Variants in SCGB2B2 observed in about 807,000 individuals in gnomAD.
The protein encoded by SCGB2B2 is secretoglobin family 2B member 2, also known as secretoglobin-like protein.
A neutral mutation model predicts 7.6 loss-of-function variants in SCGB2B2; 11 were observed. That is an observed-to-expected ratio of 1.45 (90% CI 0.91 to 2.40). The LOEUF is 2.40. SCGB2B2 is among the 30% of genes most tolerant of loss of function. The pLI is 0.00. For missense variants in SCGB2B2, 104 were observed against 115.4 expected, an observed-to-expected ratio of 0.90 and a Z score of 0.45; for synonymous variants, 50 against 48.6, an observed-to-expected ratio of 1.03 and a Z score of -0.12.
intron 1 of SCGB2B2, among the ~76,000 whole-genome samples, chr19:34,634,191 C>T (rs955258638): frequency 2.0e-5 from 3 of 152,202 alleles, no homozygotes; most frequent in African/African-American, 7.2e-5. Flanking sequence ...AGATGGGGCA[C>T]ATACCCTCTA....
intron 1 of SCGB2B2, among the ~76,000 whole-genome samples, chr19:34,641,692 T>A (rs1360820635): frequency 6.6e-6 from 1 of 152,208 alleles, no homozygotes; most frequent in Non-Finnish European, 1.5e-5. Flanking sequence ...CTGTTAGGTT[T>A]GACCAACTCT....
At chr19:34,616,263 C>A (rs1223518678) in intron 1 of SCGB2B2, among the ~76,000 whole-genome samples, 3 of 149,320 alleles carry the variant, frequency 2.0e-5, no homozygotes, top group Non-Finnish European at 1.5e-5. Context: ...GGAATGGCCA[C>A]ACTGACTTAC....
intron 1 of SCGB2B2, among the ~76,000 whole-genome samples, chr19:34,624,132 A>G (rs948923264): frequency 1.3e-5 from 2 of 152,200 alleles, no homozygotes; most frequent in African/African-American, 2.4e-5. Flanking sequence ...TGTGACTCCA[A>G]ATTCTTTCTA....
intron 1 of SCGB2B2, among the ~76,000 whole-genome samples, chr19:34,645,090 G>C (rs16969592): frequency 1.3e-3 from 203 of 152,318 alleles, no homozygotes; most frequent in African/African-American, 4.7e-3. Context: ...CACAGACACA[G>C]GGAGAAACAC....
At position 34,594,898 on chromosome 19, in the gene SCGB2B2, T is replaced by C. The variant is rs759554981; in HGVS notation, c.-335A>G. The C allele has an allele frequency of 1.1e-5, 4 of 371,502 alleles. No individual in the cohort carries two copies. The highest frequency in any genetic ancestry group is 2.1e-5 in the African/African-American group (1 of 48,776). 23.0% of individuals were successfully genotyped at this position (371,502 alleles called of 1,614,324 possible). A position where few individuals can be genotyped will look rare whatever the true frequency, so the allele number is the denominator to read the frequency against. On this transcript the variant is annotated 5_prime_UTR_variant, in exon 2 of 4. It removes an upstream start codon present in the reference 5' UTR. Transcript: ENST00000601241. Reference sequence around the variant, plus strand: ...GTAAGCCTGCAAGTCTGAGTGTGCATGCACATGTGACCCTGTGTCTTGGCA... The same window carrying C: ...GTAAGCCTGCAAGTCTGAGTGTGCACGCACATGTGACCCTGTGTCTTGGCA...
chr19:34,602,946 G>A (rs984520393), intron 1 of SCGB2B2, among the ~76,000 whole-genome samples: 2 of 152,134 alleles, frequency 1.3e-5, no homozygotes, highest in South Asian at 4.1e-4. Flanking sequence ...TTATTGTTTG[G>A]AAGAATTTGT....
intron 1 of SCGB2B2, among the ~76,000 whole-genome samples, chr19:34,628,543 TACACCCTCCCAAG>T (rs2066441136): frequency 6.6e-6 from 1 of 151,920 alleles, no homozygotes; most frequent in South Asian, 2.1e-4. Flanking sequence ...CCTGGACACA[TACACCCTCCCAAG>T]ACTAAACCGG....
intron 1 of SCGB2B2, among the ~76,000 whole-genome samples, chr19:34,614,211 TTC>T (rs927937675): frequency 1.3e-5 from 2 of 152,196 alleles, no homozygotes; most frequent in African/African-American, 4.8e-5. Flanking sequence ...GCCTTTTCTC[TTC>T]TCTTTTCCTT....
Position 34,594,509 on chromosome 19 carries a change from G to A in SCGB2B2, c.55C>T (p.Gln19Ter), listed in dbSNP as rs562847253. ...ALLLALICSV[Q>*]LGDACLDIDK... is the part of the protein sequence containing the mutation. ...CTGCTCGCCTCTTTCTTACCCAGCT[G>A]GACGCTGCAGATCAGAGCCAGCAGA... The change falls in exon 2 of 4, where the codon CAG becomes TAG. Residue 19 changes from glutamine (Q) to a stop codon, truncating the protein, a stop_gained. Transcript: ENST00000601241. LOFTEE classifies it high-confidence loss of function. 6.2e-6 allele frequency: 10 copies of A among 1,613,748 alleles called. No individual in the cohort carries two copies. In the African/African-American group the frequency reaches 1.1e-4, roughly 17 times the overall value.
intron 1 of SCGB2B2, among the ~76,000 whole-genome samples, chr19:34,668,919 G>A (rs994629098): frequency 6.6e-6 from 1 of 152,176 alleles, no homozygotes. Context: ...AGATAAGAGA[G>A]TAAAAGCAGG....
In SCGB2B2 at chr19:34,677,128, T is replaced by C. The variant is rs180927061; in HGVS notation, c.-3530A>G. The C allele has an allele frequency of 0.019, 2,783 of 148,538 alleles. 39 individuals are homozygous for C. Among genetic ancestry groups the C allele is most frequent in the Non-Finnish European group, 0.028 (1,896 of 67,528 alleles). The allele number at this position is 148,538 out of a possible 1,614,324, so 9.2% of individuals were successfully genotyped here. A position where few individuals can be genotyped will look rare whatever the true frequency, so the allele number is the denominator to read the frequency against. On this transcript the variant is annotated 5_prime_UTR_variant, in exon 1 of 4. Transcript: ENST00000601241. ...TCGTGACAGTCGGGCCACAGGGCGT[T>C]TTGTGAGTTATCGTCTTGGGCAAAT...
rs535395781 is a variant in SCGB2B2 at position 34,623,877 on chromosome 19, A to G, written c.-2031-27283T>C. 7.4e-4 allele frequency among the ~76,000 whole-genome samples: 113 copies of G among 152,302 alleles called. 2 individuals carry two copies. In the South Asian group the frequency reaches 0.022, roughly 29 times the overall value. On this transcript the variant is annotated intron_variant, in intron 1 of 3. Coordinates refer to ENST00000601241, the MANE Select transcript of SCGB2B2 (RefSeq NM_001025591.4). ...AATATAAGGATTAAATGGCTGTCCT[A>G]CCTTCGATGAGGACAGTACTGAGCC...
chr19:34,663,524 C>A (rs2067522655), intron 1 of SCGB2B2, among the ~76,000 whole-genome samples: 1 of 152,192 alleles, frequency 6.6e-6, no homozygotes, highest in Non-Finnish European at 1.5e-5. Flanking sequence ...TGCAGATGTT[C>A]AGGTAGCAAA....
chr19:34,634,927 C>A, intron 1 of SCGB2B2: 1 of 269,310 alleles, frequency 3.7e-6, no homozygotes. Context: ...TCTGTGCACT[C>A]ACAGCCTTTC....
At chr19:34,668,329 GCAC>G (rs554787828) in intron 1 of SCGB2B2, among the ~76,000 whole-genome samples, 1,783 of 152,322 alleles carry the variant, frequency 0.012, 20 homozygotes, top group South Asian at 0.038. Context: ...GAGGGGCTTA[GCAC>G]CTGGGCCAGC....
intron 1 of SCGB2B2, among the ~76,000 whole-genome samples, chr19:34,598,560 C>T (rs935247948): frequency 6.6e-6 from 1 of 152,032 alleles, no homozygotes; most frequent in Non-Finnish European, 1.5e-5. Flanking sequence ...GGGTCTGGAC[C>T]CAGGGGGAAA....
At chr19:34,649,247 C>T (rs2067101486) in intron 1 of SCGB2B2, among the ~76,000 whole-genome samples, 1 of 152,116 alleles carries the variant, frequency 6.6e-6, no homozygotes, top group Non-Finnish European at 1.5e-5. Flanking sequence ...TGTAAAAGTT[C>T]CGGAACAGTA....
chr19:34,646,522 T>C (rs2067016806), intron 1 of SCGB2B2: 1 of 152,428 alleles, frequency 6.6e-6, no homozygotes, highest in South Asian at 2.1e-4. Flanking sequence ...GAGCCTGGGA[T>C]CCCCAAGAAA....
At chr19:34,673,410 G>A (rs2067848225) in intron 1 of SCGB2B2, among the ~76,000 whole-genome samples, 1 of 152,162 alleles carries the variant, frequency 6.6e-6, no homozygotes, top group Admixed American at 6.5e-5. Flanking sequence ...AAGGGGTCTC[G>A]ATCCAGACCC....
Sources: allele counts gnomAD v4.1 joint callset (sites outside exome capture counted in the v4.1 genomes callset), GRCh38; gene constraint gnomAD v4.1.1; transcripts MANE v1.5; gene names NCBI Gene and HGNC (gene_info 2026-07-23, HGNC 2026-07-21).